The following PDE8B variants were observed in gnomAD, a reference collection of about 807,000 sequenced individuals.
PDE8B encodes the protein high affinity cAMP-specific and IBMX-insensitive 3',5'-cyclic phosphodiesterase 8B.
In PDE8B, 26 loss-of-function variants were observed where a neutral mutation model predicts 101.3. The ratio of observed to expected loss-of-function variants is 0.26; its 90% CI spans 0.19 to 0.36. The LOEUF is 0.36. PDE8B is among the 10% of genes least tolerant of loss of function. The pLI, the probability that PDE8B is intolerant of heterozygous loss-of-function variation, is 1.00. For synonymous variants in PDE8B, 424 were observed against 429.3 expected, an observed-to-expected ratio of 0.99 and a Z score of 0.15; for missense variants, 810 against 1,163.1, an observed-to-expected ratio of 0.70 and a Z score of 4.42.
the PDE8B span, among the ~76,000 whole-genome samples, chr5:77,192,585 A>T: frequency 0.12 from 17,662 of 152,184 alleles, 1,510 homozygotes; most frequent in East Asian, 0.43. Flanking sequence ...ACTAATGAAC[A>T]TTTGGGTTGT....
At chr5:77,381,086 G>C (rs1787356191) in intron 10 of PDE8B, among the ~76,000 whole-genome samples, 1 of 152,210 alleles carries the variant, frequency 6.6e-6, no homozygotes, top group East Asian at 1.9e-4. Context: ...GGTGCACCTG[G>C]AGAGCTGGCA....
the PDE8B span, among the ~76,000 whole-genome samples, chr5:77,126,711 C>G: frequency 6.6e-6 from 1 of 152,230 alleles, no homozygotes; most frequent in Non-Finnish European, 1.5e-5. Context: ...TGAGCCACAG[C>G]ACCCGGCCCT....
rs564254508 is a variant in PDE8B, at chr5:77,311,326, A to G, written c.340-668A>G. Among the ~76,000 whole-genome samples the G allele has an allele frequency of 1.2e-4, 18 of 152,318 alleles. No individual in the cohort carries two copies. In the South Asian group the frequency reaches 3.3e-3, roughly 28 times the overall value. ...GCAGCCAGATGGTGTTGGCCAGTGAACACTGAAGAGCCCTATGCTCACTCC... is the reference window on the plus strand; with the variant it reads ...GCAGCCAGATGGTGTTGGCCAGTGAGCACTGAAGAGCCCTATGCTCACTCC... On this transcript the variant is annotated intron_variant, in intron 1 of 21. Coordinates refer to ENST00000264917, the MANE Select transcript of PDE8B (RefSeq NM_003719.5).
chr5:77,234,888 T>C (rs927584810), intron 1 of PDE8B, among the ~76,000 whole-genome samples: 1 of 152,208 alleles, frequency 6.6e-6, no homozygotes, highest in Non-Finnish European at 1.5e-5. Flanking sequence ...CTATTTTATC[T>C]GGGACCAGTG....
chr5:77,368,925 G>A (rs1224372787), intron 10 of PDE8B, among the ~76,000 whole-genome samples: 1 of 151,970 alleles, frequency 6.6e-6, no homozygotes. Flanking sequence ...AGAAGAGGCT[G>A]GGCGCAGTGG....
intron 10 of PDE8B, among the ~76,000 whole-genome samples, chr5:77,378,944 C>T (rs1561615061): frequency 6.6e-6 from 1 of 152,172 alleles, no homozygotes; most frequent in South Asian, 2.1e-4. Flanking sequence ...GTGGTTCTTA[C>T]ATTGTAGATA....
Position 77,331,467 on chromosome 5 carries a change from C to T in PDE8B, c.708+8C>T. 2 of 1,606,742 alleles carry T rather than the reference C, an allele frequency of 1.2e-6. No individual in the cohort carries two copies. ...CACGCAGGCTTCAACAGGGTATGTACAAGATATCCAGCATCTCTCTCAGTT... is the reference window on the plus strand; with the variant it reads ...CACGCAGGCTTCAACAGGGTATGTATAAGATATCCAGCATCTCTCTCAGTT... On this transcript the variant is annotated splice_region_variant and intron_variant, in intron 5 of 21. Transcript: ENST00000264917.
chr5:77,426,797 T>C lies in PDE8B; in HGVS notation c.*243T>C. The stretch of plus-strand genomic sequence containing the variant: ...ACAAATACTTGGCAAACTCCTTTGC[T>C]CTGCTGTCATCCTGTGTACCCTTGT... On this transcript the variant is annotated 3_prime_UTR_variant, in exon 22 of 22. Transcript: ENST00000264917. 1 of 459,404 alleles carries C rather than the reference T, an allele frequency of 2.2e-6. No homozygotes were observed. The highest frequency in any genetic ancestry group is 4.4e-5 in the East Asian group (1 of 22,476). 28.5% of individuals were successfully genotyped at this position (459,404 alleles called of 1,614,324 possible). A position where few individuals can be genotyped will look rare whatever the true frequency, so the allele number is the denominator to read the frequency against.
the PDE8B span, among the ~76,000 whole-genome samples, chr5:77,131,664 T>A: frequency 2.0e-5 from 3 of 152,210 alleles, no homozygotes; most frequent in African/African-American, 7.2e-5. Context: ...AGCAAAAGAA[T>A]AAAAATTTAT....
At chr5:77,288,748 C>A (rs1053604079) in intron 1 of PDE8B, among the ~76,000 whole-genome samples, 1 of 152,018 alleles carries the variant, frequency 6.6e-6, no homozygotes, top group Non-Finnish European at 1.5e-5. Context: ...TGTGATTTGT[C>A]CATGACCACA....
intron 1 of PDE8B, among the ~76,000 whole-genome samples, chr5:77,248,450 T>C (rs1475341743): frequency 2.6e-5 from 4 of 152,194 alleles, no homozygotes; most frequent in Non-Finnish European, 5.9e-5. Flanking sequence ...GTTTTTGTTG[T>C]TGTTGTTGTT....
chr5:77,371,168 T>A (rs1332893721), intron 10 of PDE8B, among the ~76,000 whole-genome samples: 1 of 152,210 alleles, frequency 6.6e-6, no homozygotes, highest in Non-Finnish European at 1.5e-5. Context: ...TTCGTTGTTT[T>A]CTGTGACCTA....
chr5:77,217,411 T>A lies in PDE8B; in HGVS notation c.339+6147T>A, dbSNP rs1052309473. 2.6e-5 allele frequency among the ~76,000 whole-genome samples: 4 copies of A among 152,100 alleles called. No individual in the cohort carries two copies. The South Asian group carries it at 8.3e-4, about 31-fold the overall frequency. ...TGTGCTTGTAAGGTTATATTTTCAA[T>A]AAAGAATGTGTACATTTAGAACATA... On this transcript the variant is annotated intron_variant, in intron 1 of 21. Transcript: ENST00000264917.
At chr5:77,226,014 A>G (rs1017474272) in intron 1 of PDE8B, among the ~76,000 whole-genome samples, 2 of 152,160 alleles carry the variant, frequency 1.3e-5, no homozygotes, top group African/African-American at 2.4e-5. Context: ...CAGGCAAATT[A>G]CTGTGTTTAT....
At chr5:77,281,204 C>T (rs1368919783) in intron 1 of PDE8B, among the ~76,000 whole-genome samples, 1 of 152,192 alleles carries the variant, frequency 6.6e-6, no homozygotes, top group African/African-American at 2.4e-5. Context: ...GGAGCTCATT[C>T]CTGAACCTAA....
chr5:77,412,535 G>T (rs989923470), intron 16 of PDE8B, among the ~76,000 whole-genome samples: 3 of 150,006 alleles, frequency 2.0e-5, no homozygotes, highest in Non-Finnish European at 3.0e-5. Flanking sequence ...CTACAGAATG[G>T]AATTGAGAGC....
intron 3 of PDE8B, 37 bp downstream of exon 3, chr5:77,325,766 A>G (rs1450652634): frequency 1.4e-6 from 2 of 1,399,916 alleles, no homozygotes; most frequent in East Asian, 4.6e-5. Context: ...GTAAATGTTC[A>G]CTTTACATCT....
chr5:77,272,883 A>G (rs1294229944), intron 1 of PDE8B, among the ~76,000 whole-genome samples: 1 of 152,166 alleles, frequency 6.6e-6, no homozygotes, highest in Admixed American at 6.5e-5. Flanking sequence ...TAGAAAGTTC[A>G]TTATTTTTTA....
At chr5:77,409,893 C>T (rs1794198488) in intron 14 of PDE8B, among the ~76,000 whole-genome samples, 1 of 152,246 alleles carries the variant, frequency 6.6e-6, no homozygotes, top group Non-Finnish European at 1.5e-5. Context: ...AACTTGAGGG[C>T]CTTCTTGTTT....
Sources: gnomAD v4.1 joint callset for allele counts (sites outside exome capture counted in the v4.1 genomes callset) on GRCh38, gnomAD v4.1.1 for gene constraint, MANE v1.5 for transcripts, NCBI Gene and HGNC (gene_info 2026-07-23, HGNC 2026-07-21) for gene names.